Variants in AFF3 observed in about 807,000 individuals in gnomAD.
AFF3 encodes the protein AF4/FMR2 family member 3.
AFF3 carries 32 observed loss-of-function variants against 129.7 expected under a neutral mutation model. The ratio of observed to expected loss-of-function variants is 0.25; its 90% CI spans 0.19 to 0.33. AFF3 has a LOEUF of 0.33. AFF3 is among the 10% of genes least tolerant of loss of function. AFF3 has a pLI of 1.00. For synonymous variants in AFF3, 644 were observed against 635.4 expected, an observed-to-expected ratio of 1.01 and a Z score of -0.20; for missense variants, 1,373 against 1,592.0, an observed-to-expected ratio of 0.86 and a Z score of 2.34.
chr2:100,086,181 T>C (rs539854179), intron 4 of AFF3, among the ~76,000 whole-genome samples: 2 of 152,242 alleles, frequency 1.3e-5, no homozygotes, highest in African/African-American at 4.8e-5. Flanking sequence ...AGAGATAATG[T>C]ATCTGGTTTG....
chr2:99,897,777 T>C (rs1694080361), intron 7 of AFF3, among the ~76,000 whole-genome samples: 1 of 152,188 alleles, frequency 6.6e-6, no homozygotes, highest in African/African-American at 2.4e-5. Context: ...TATATTGTTT[T>C]ATTTGACCAG....
At chr2:100,055,964 G>C (rs558745854) in intron 4 of AFF3, among the ~76,000 whole-genome samples, 1 of 151,654 alleles carries the variant, frequency 6.6e-6, no homozygotes, top group Non-Finnish European at 1.5e-5. Flanking sequence ...TTGAGGCCAG[G>C]AGATCAAGGT....
At chr2:99,924,112 TAACA>T (rs1696057240) in intron 7 of AFF3, among the ~76,000 whole-genome samples, 2 of 152,240 alleles carry the variant, frequency 1.3e-5, no homozygotes, top group South Asian at 4.2e-4. Flanking sequence ...ATGTTTATTG[TAACA>T]TTCCTCCCCT....
intron 12 of AFF3, among the ~76,000 whole-genome samples, chr2:99,650,609 G>A (rs771965359): frequency 1.3e-5 from 2 of 151,856 alleles, no homozygotes; most frequent in Non-Finnish European, 2.9e-5. Context: ...GTGGGAGAAG[G>A]GCAGAGTGGG....
intron 11 of AFF3, among the ~76,000 whole-genome samples, chr2:99,695,376 C>T (rs17022905): frequency 0.024 from 3,650 of 152,320 alleles, 135 homozygotes; most frequent in African/African-American, 0.081. Context: ...AAGGACTTCA[C>T]TGCTGACAGC....
At chr2:99,823,106 A>G (rs1265118171) in intron 8 of AFF3, among the ~76,000 whole-genome samples, 2 of 152,192 alleles carry the variant, frequency 1.3e-5, no homozygotes, top group African/African-American at 2.4e-5. Flanking sequence ...TTGAAAGCCC[A>G]GGCTTTGACT....
At position 99,627,654 on chromosome 2, in the gene AFF3, T is replaced by C. The variant is rs151049381; in HGVS notation, c.1184+21972A>G. ...TTGTCATGAAATCTTTGCCCATTCA[T>C]ATGACCAGAATATTGCCTACGTTGT... On this transcript the variant is annotated intron_variant, in intron 13 of 24. Transcript: ENST00000672756. 9.8e-4 allele frequency among the ~76,000 whole-genome samples: 149 copies of C among 152,328 alleles called. 3 individuals carry two copies. In the Middle Eastern group the frequency reaches 0.01, roughly 10 times the overall value.
At chr2:99,717,380 A>G (rs908261545) in intron 11 of AFF3, among the ~76,000 whole-genome samples, 2 of 152,162 alleles carry the variant, frequency 1.3e-5, no homozygotes, top group South Asian at 2.1e-4. Context: ...TACACTTACC[A>G]TGATTTAGTG....
At chr2:99,623,494 A>G (rs1682248109) in intron 13 of AFF3, among the ~76,000 whole-genome samples, 1 of 152,080 alleles carries the variant, frequency 6.6e-6, no homozygotes, top group Non-Finnish European at 1.5e-5. Context: ...GGAGCTCCCC[A>G]CCTCTGCCAG....
At chr2:99,658,606 A>T (rs1239707072) in intron 12 of AFF3, among the ~76,000 whole-genome samples, 1 of 152,148 alleles carries the variant, frequency 6.6e-6, no homozygotes, top group Non-Finnish European at 1.5e-5. Context: ...TATTCATAGA[A>T]AATATTTTAT....
At chr2:99,740,077 C>T (rs1427211453) in intron 10 of AFF3, among the ~76,000 whole-genome samples, 2 of 150,910 alleles carry the variant, frequency 1.3e-5, no homozygotes, top group Admixed American at 1.3e-4. Flanking sequence ...GTTTTTTGTT[C>T]TTGCGATAGT....
At chr2:100,057,151 T>A (rs940822913) in intron 4 of AFF3, among the ~76,000 whole-genome samples, 1 of 151,900 alleles carries the variant, frequency 6.6e-6, no homozygotes, top group Non-Finnish European at 1.5e-5. Context: ...TGAAACTCTG[T>A]CTCAACCAAA....
chr2:99,565,053 T>C (rs1171595248), intron 20 of AFF3, among the ~76,000 whole-genome samples: 6 of 152,166 alleles, frequency 3.9e-5, no homozygotes, highest in African/African-American at 1.4e-4. Flanking sequence ...CAGTATAAGA[T>C]GGCTTCTCCT....
intron 7 of AFF3, among the ~76,000 whole-genome samples, chr2:99,945,646 G>A (rs571845873): frequency 6.6e-6 from 1 of 152,202 alleles, no homozygotes; most frequent in African/African-American, 2.4e-5. Context: ...TGGAGAAATT[G>A]TATGTGATCC....
intron 7 of AFF3, among the ~76,000 whole-genome samples, chr2:99,913,808 T>C (rs1388545704): frequency 6.6e-6 from 1 of 151,802 alleles, no homozygotes; most frequent in Non-Finnish European, 1.5e-5. Context: ...ATTGACCAAA[T>C]CTCAGATAAT....
chr2:99,787,226 G>A (rs571164802), intron 8 of AFF3, among the ~76,000 whole-genome samples: 30 of 152,224 alleles, frequency 2.0e-4, no homozygotes, highest in African/African-American at 7.0e-4. Context: ...AGAAGTGCTC[G>A]TTGGGTCATA....
intron 13 of AFF3, among the ~76,000 whole-genome samples, chr2:99,642,851 C>A (rs1404178): frequency 0.067 from 10,170 of 151,996 alleles, 426 homozygotes; most frequent in East Asian, 0.12. Context: ...GTAAAATGGG[C>A]CCCATCTATC....
chr2:99,673,606 C>T (rs1041539524), intron 11 of AFF3, among the ~76,000 whole-genome samples: 1 of 152,204 alleles, frequency 6.6e-6, no homozygotes, highest in Admixed American at 6.5e-5. Flanking sequence ...GGAGAGCCCA[C>T]TTCTGAGGGA....
chr2:99,812,295 T>G (rs890775601), intron 8 of AFF3, among the ~76,000 whole-genome samples: 1 of 152,188 alleles, frequency 6.6e-6, no homozygotes, highest in Non-Finnish European at 1.5e-5. Context: ...AAATAAGATG[T>G]TACTTCTGAA....
Sources: gnomAD v4.1 joint callset for allele counts (sites outside exome capture counted in the v4.1 genomes callset) on GRCh38, gnomAD v4.1.1 for gene constraint, MANE v1.5 for transcripts, NCBI Gene and HGNC (gene_info 2026-07-23, HGNC 2026-07-21) for gene names.